SMCO4: variants seen among roughly 807,000 people sequenced by gnomAD.
SMCO4 encodes single-pass membrane and coiled-coil domain-containing protein 4.
A neutral mutation model predicts 3.6 loss-of-function variants in SMCO4; 4 were observed. The observed-to-expected ratio is 1.11, with a 90% CI of 0.54 to 2.53. The LOEUF is 2.53. Ranked by LOEUF, SMCO4 falls within the 30% of genes most tolerant of loss-of-function variation. The pLI, the probability that SMCO4 is intolerant of heterozygous loss-of-function variation, is 0.02. For synonymous variants in SMCO4, 36 were observed against 35.3 expected (o/e 1.02, Z -0.07); for missense variants, 70 against 80.8 (o/e 0.87, Z 0.51).
chr11:93,497,116 A>G (rs1214830403), intron 2 of SMCO4, among the ~76,000 whole-genome samples: 7 of 152,208 alleles, frequency 4.6e-5, no homozygotes, highest in African/African-American at 9.6e-5. Context: ...GTTTTTTATT[A>G]TGATGGTTCT....
intron 1 of SMCO4, among the ~76,000 whole-genome samples, chr11:93,533,889 T>C (rs1218537944): frequency 6.6e-6 from 1 of 152,166 alleles, no homozygotes; most frequent in Non-Finnish European, 1.5e-5. Context: ...TAGTCACTCA[T>C]TTTAAAACAG....
At chr11:93,546,890 G>C (rs1166237576), upstream of SMCO4, among the ~76,000 whole-genome samples, 2 of 152,096 alleles carry the variant, frequency 1.3e-5, no homozygotes, top group Non-Finnish European at 2.9e-5. Context: ...CTTTCTTTCT[G>C]TTCCCCAAAC....
chr11:93,551,672 G>T, the SMCO4 span, among the ~76,000 whole-genome samples: 2 of 152,182 alleles, frequency 1.3e-5, no homozygotes, highest in African/African-American at 4.8e-5. Context: ...AGAGCGGATG[G>T]CTCTATCTAA....
At chr11:93,507,343 T>C (rs918179583) in intron 1 of SMCO4, among the ~76,000 whole-genome samples, 5 of 152,158 alleles carry the variant, frequency 3.3e-5, no homozygotes, top group Admixed American at 1.3e-4. Context: ...GAGGTTGCAA[T>C]GACCTGAGAT....
intron 2 of SMCO4, among the ~76,000 whole-genome samples, chr11:93,489,667 G>A (rs1003442321): frequency 6.6e-6 from 1 of 152,230 alleles, no homozygotes; most frequent in Non-Finnish European, 1.5e-5. Context: ...AGGATGACAT[G>A]AGATTACAAA....
intron 2 of SMCO4, among the ~76,000 whole-genome samples, chr11:93,498,029 G>A (rs866263153): frequency 6.6e-6 from 1 of 152,048 alleles, no homozygotes; most frequent in African/African-American, 2.4e-5. Context: ...ACACACTTGC[G>A]AAGTCTCACA....
chr11:93,525,500 T>C (rs933781463), intron 1 of SMCO4, among the ~76,000 whole-genome samples: 1 of 152,010 alleles, frequency 6.6e-6, no homozygotes, highest in Non-Finnish European at 1.5e-5. Flanking sequence ...TTTCAGAAAA[T>C]TTAAGGAAGT....
At chr11:93,492,937 T>C (rs1948735226) in intron 2 of SMCO4, among the ~76,000 whole-genome samples, 1 of 152,188 alleles carries the variant, frequency 6.6e-6, no homozygotes, top group Non-Finnish European at 1.5e-5. Flanking sequence ...CTATCAAATA[T>C]TTACATAGCG....
intron 1 of SMCO4, among the ~76,000 whole-genome samples, chr11:93,510,453 AAAG>A (rs1948946848): frequency 1.3e-5 from 2 of 152,228 alleles, no homozygotes; most frequent in South Asian, 4.1e-4. Context: ...GAGATCCAAG[AAAG>A]AAGAGATTTT....
In SMCO4 at chr11:93,481,418, G is replaced by C; in HGVS notation, c.-80-2149C>G. Reference sequence around the variant, plus strand: ...CTCCTCTAAGCCTGACTGCAGCCTTGAGTGATGCCCACCTTCGCGGGACCG... The same window carrying C: ...CTCCTCTAAGCCTGACTGCAGCCTTCAGTGATGCCCACCTTCGCGGGACCG... On this transcript the variant is annotated intron_variant, in intron 2 of 2. Coordinates refer to ENST00000298966, the MANE Select transcript of SMCO4 (RefSeq NM_020179.3). 3.0e-6 allele frequency: 3 copies of C among 985,330 alleles called. No individual in the cohort carries two copies. In the South Asian group the frequency reaches 1.4e-4, roughly 46 times the overall value. 61.0% of individuals were successfully genotyped at this position (985,330 alleles called of 1,614,324 possible). A position where few individuals can be genotyped will look rare whatever the true frequency, so the allele number is the denominator to read the frequency against.
chr11:93,489,917 C>A (rs1948694031), intron 2 of SMCO4, among the ~76,000 whole-genome samples: 1 of 152,204 alleles, frequency 6.6e-6, no homozygotes, highest in Non-Finnish European at 1.5e-5. Context: ...ACATCCCTCA[C>A]ACCAAGTTGT....
At chr11:93,492,943 T>C (rs1462846797) in intron 2 of SMCO4, among the ~76,000 whole-genome samples, 1 of 152,212 alleles carries the variant, frequency 6.6e-6, no homozygotes, top group Non-Finnish European at 1.5e-5. Flanking sequence ...AATATTTACA[T>C]AGCGGTGTGT....
intron 1 of SMCO4, among the ~76,000 whole-genome samples, chr11:93,541,487 A>G (rs960993784): frequency 3.3e-5 from 5 of 152,200 alleles, no homozygotes; most frequent in African/African-American, 1.2e-4. Context: ...GGAAACCTAT[A>G]ATATTATGCA....
At chr11:93,503,742 G>T (rs995179669) in intron 1 of SMCO4, among the ~76,000 whole-genome samples, 1 of 152,148 alleles carries the variant, frequency 6.6e-6, no homozygotes, top group Non-Finnish European at 1.5e-5. Context: ...GCAAGGAGTG[G>T]AACAGATTCT....
chr11:93,495,432 G>A (rs553887257), intron 2 of SMCO4, among the ~76,000 whole-genome samples: 2 of 151,944 alleles, frequency 1.3e-5, no homozygotes, highest in Non-Finnish European at 2.9e-5. Context: ...ATGTGTGCAC[G>A]GCAGCACACG....
intron 2 of SMCO4, chr11:93,481,415 C>T (rs1370224926): frequency 1.0e-6 from 1 of 985,272 alleles, no homozygotes; most frequent in African/African-American, 1.7e-5. Context: ...TGACTGCAGC[C>T]TTGAGTGATG....
chr11:93,542,037 A>G (rs1014566848), intron 1 of SMCO4, among the ~76,000 whole-genome samples: 37 of 152,024 alleles, frequency 2.4e-4, no homozygotes, highest in African/African-American at 7.7e-4. Flanking sequence ...GAAGCCCACT[A>G]TGGGTCTCTT....
chr11:93,479,029 C>T lies in SMCO4; in HGVS notation c.161G>A (p.Arg54His), dbSNP rs757684648. The T allele has an allele frequency of 1.5e-5, 24 of 1,608,768 alleles. No individual in the cohort carries two copies. Among genetic ancestry groups the T allele is most frequent in the South Asian group, 5.5e-5 (5 of 90,948 alleles). ...CGGGGCTCACTCGGTGATGGTGGGGCGCGTGGCCACGTACACAAACACCAC... is the reference window on the plus strand; with the variant it reads ...CGGGGCTCACTCGGTGATGGTGGGGTGCGTGGCCACGTACACAAACACCAC... ...LIVVFVYVAT[R>H]PTITE Residue 54 changes from arginine (R) to histidine (H), a missense_variant, in exon 3 of 3, where the codon CGC becomes CAC. Physicochemically the swap from Arg to His is conservative, Grantham distance 29. Coordinates refer to ENST00000298966, the MANE Select transcript of SMCO4 (RefSeq NM_020179.3).
At chr11:93,496,234 T>C (rs1301578462) in intron 2 of SMCO4, among the ~76,000 whole-genome samples, 1 of 152,144 alleles carries the variant, frequency 6.6e-6, no homozygotes, top group East Asian at 1.9e-4. Flanking sequence ...CAAAGGACGA[T>C]GTTGGCTTGG....
Sources: gnomAD v4.1 joint callset for allele counts (sites outside exome capture counted in the v4.1 genomes callset) on GRCh38, gnomAD v4.1.1 for gene constraint, MANE v1.5 for transcripts, NCBI Gene and HGNC (gene_info 2026-07-23, HGNC 2026-07-21) for gene names.